TLL2: variants seen among roughly 807,000 people sequenced by gnomAD.
TLL2 encodes the protein tolloid-like protein 2.
Under a neutral mutation model 123.0 loss-of-function variants are expected in TLL2, and 106 were observed. The ratio of observed to expected loss-of-function variants is 0.86; its 90% CI spans 0.74 to 1.01. The LOEUF (loss-of-function observed/expected upper bound fraction) is 1.01, where lower values mean the gene tolerates loss of function less well. Ranked by LOEUF, TLL2 falls within the 50% of genes least tolerant of loss-of-function variation. TLL2 has a pLI of 0.00. For missense variants in TLL2, 1,332 were observed against 1,336.7 expected (o/e 1.00, Z 0.06); for synonymous variants, 494 against 516.8 (o/e 0.96, Z 0.60).
At chr10:96,459,871 TG>T (rs1564911641) in intron 2 of TLL2, among the ~76,000 whole-genome samples, 2 of 150,882 alleles carry the variant, frequency 1.3e-5, no homozygotes, top group South Asian at 2.1e-4. Flanking sequence ...TATTTAGAAC[TG>T]GGGGGTATCA....
In TLL2 at chr10:96,376,760, C is replaced by A; in HGVS notation, c.2380G>T (p.Asp794Tyr). ...EGTLASPNWP[D>Y]KYPSRRECTW... ...CACTCCCTCCGGCTGGGGTATTTGT[C>A]AGGCCAGTTGGGGCTCGCCAGGGTC... is the stretch of plus-strand genomic sequence containing the variant. The change falls in exon 18 of 21, where the codon GAC becomes TAC. Residue 794 changes from aspartate (D) to tyrosine (Y), a missense_variant. Transcript: ENST00000357947. The A allele has an allele frequency of 1.2e-6, 2 of 1,601,336 alleles. No homozygotes were observed. The highest frequency in any genetic ancestry group is 2.2e-5 in the South Asian group (2 of 89,130).
chr10:96,368,161 G>A lies in TLL2; in HGVS notation c.2975C>T (p.Thr992Ile), dbSNP rs1022937324. ...SLMIRFRTDD[T>I]INKKGFHARY... ...GGCATGAAAGCCTTTCTTGTTGATG[G>A]TGTCATCTGTGCGGAATCGAATCAT... Residue 992 changes from threonine to isoleucine, a missense_variant, in exon 21 of 21, where the codon ACC becomes ATC. Transcript: ENST00000357947. 1 of 1,614,196 alleles carries A rather than the reference G, an allele frequency of 6.2e-7. No homozygotes were observed.
intron 2 of TLL2, among the ~76,000 whole-genome samples, chr10:96,476,240 A>ATATATATTTTTTTTTTTTTT: frequency 4.9e-5 from 1 of 20,498 alleles, no homozygotes. Context: ...ATATATATAT[A>ATATATATTTTTTTTTTTTTT]TTTTATTTTT....
chr10:96,425,259 TTCTCTC>T lies in TLL2; in HGVS notation c.639-2538_639-2533del, dbSNP rs5787184. Among the ~76,000 whole-genome samples, 404 of 144,348 alleles carry T rather than the reference TTCTCTC, an allele frequency of 2.8e-3. 1 individual carries two copies. The highest frequency in any genetic ancestry group is 3.8e-3 in the Non-Finnish European group (251 of 65,832). 94.7% of individuals were successfully genotyped at this position (144,348 alleles called of 152,430 possible). A position where few individuals can be genotyped will look rare whatever the true frequency, so the allele number is the denominator to read the frequency against. On this transcript the variant is annotated intron_variant, in intron 5 of 20. Transcript: ENST00000357947. ...GATAGCTACCTCTGTCATTACTGTT[TTCTCTC>T]TCTCTCTCTCTCTCTCTCTCTCTCT...
Position 96,488,310 on chromosome 10 carries a change from C to T in TLL2, c.176-7851G>A, listed in dbSNP as rs971877039. 4.6e-5 allele frequency among the ~76,000 whole-genome samples: 7 copies of T among 152,324 alleles called. No individual in the cohort carries two copies. The South Asian group carries it at 1.4e-3, about 32-fold the overall frequency. ...CTGACTTAGCGCTTGCGTGCCCAGC[C>T]CAGGGCAGCCCTTACCGACAACAGC... On this transcript the variant is annotated intron_variant, in intron 1 of 20. Coordinates refer to ENST00000357947, the MANE Select transcript of TLL2 (RefSeq NM_012465.4).
intron 1 of TLL2, among the ~76,000 whole-genome samples, chr10:96,503,442 C>G (rs1847552591): frequency 6.6e-6 from 1 of 152,134 alleles, no homozygotes; most frequent in African/African-American, 2.4e-5. Context: ...GATTAAGAGA[C>G]TTGGTCAAAA....
intron 1 of TLL2, among the ~76,000 whole-genome samples, chr10:96,490,855 C>T (rs1228174601): frequency 1.3e-5 from 2 of 152,196 alleles, no homozygotes; most frequent in African/African-American, 4.8e-5. Context: ...CACCTCAGAC[C>T]TGCTCAGTCA....
chr10:96,439,426 C>T (rs1846830014), intron 3 of TLL2, among the ~76,000 whole-genome samples: 1 of 151,962 alleles, frequency 6.6e-6, no homozygotes, highest in South Asian at 2.1e-4. Flanking sequence ...TAAAACTTGC[C>T]TGGGTCTCTC....
chr10:96,399,336 G>A (rs1846371444), intron 10 of TLL2, among the ~76,000 whole-genome samples: 2 of 152,270 alleles, frequency 1.3e-5, no homozygotes, highest in African/African-American at 4.8e-5. Context: ...TACTGCCAGT[G>A]CTATGTTAGG....
intron 1 of TLL2, among the ~76,000 whole-genome samples, chr10:96,506,266 G>GAAAA (rs386372173): frequency 2.2e-5 from 2 of 92,712 alleles, no homozygotes; most frequent in Admixed American, 1.6e-4. Context: ...AAAAAAAAAA[G>GAAAA]AAAAAAAAAA....
chr10:96,448,298 G>A (rs1417110886), intron 2 of TLL2, among the ~76,000 whole-genome samples: 1 of 152,176 alleles, frequency 6.6e-6, no homozygotes, highest in Non-Finnish European at 1.5e-5. Context: ...TTTCCTCTCG[G>A]GCTAAAGGTC....
At position 96,395,949 on chromosome 10, in the gene TLL2, G is replaced by T. The variant is rs1362895192; in HGVS notation, c.1456C>A (p.Pro486Thr). The change falls in exon 12 of 21, where the codon CCT (proline) becomes ACT (threonine). Residue 486 changes from proline (P) to threonine (T), a missense_variant. By Grantham distance (38) the Pro-to-Thr change is conservative (BLOSUM62 -1). Coordinates refer to ENST00000357947, the MANE Select transcript of TLL2 (RefSeq NM_012465.4). ...QSPNYPDDYR[P>T]SKECVWRITV... Reference sequence around the variant, plus strand: ...ATCCTCCAGACACATTCCTTGGAAGGTCTGTAGTCATCCGGATAGTTGGGA... The same window carrying T: ...ATCCTCCAGACACATTCCTTGGAAGTTCTGTAGTCATCCGGATAGTTGGGA... 1 of 1,614,216 alleles carries T rather than the reference G, an allele frequency of 6.2e-7. No homozygotes were observed. Among genetic ancestry groups the T allele is most frequent in the Non-Finnish European group, 8.5e-7 (1 of 1,180,044 alleles).
chr10:96,490,758 C>A (rs953406834), intron 1 of TLL2, among the ~76,000 whole-genome samples: 10 of 152,200 alleles, frequency 6.6e-5, no homozygotes, highest in Non-Finnish European at 1.3e-4. Flanking sequence ...TCTTCCACTA[C>A]CAATCCCAGC....
intron 2 of TLL2, among the ~76,000 whole-genome samples, chr10:96,476,240 A>ATATATATATATATATTTTTTT: frequency 1.5e-4 from 3 of 20,496 alleles, no homozygotes; most frequent in Admixed American, 5.2e-4. Context: ...ATATATATAT[A>ATATATATATATATATTTTTTT]TTTTATTTTT....
At chr10:96,369,994 C>A (rs548493644) in intron 20 of TLL2, 71 bp downstream of exon 20, 2 of 1,481,464 alleles carry the variant, frequency 1.4e-6, no homozygotes, top group Non-Finnish European at 8.9e-7. Flanking sequence ...GAAAGCCGGG[C>A]GTGTCTGACT....
chr10:96,384,460 G>T lies in TLL2; in HGVS notation c.2194+127C>A, dbSNP rs1378013874. 8 of 975,644 alleles carry T rather than the reference G, an allele frequency of 8.2e-6. No individual in the cohort carries two copies. In the African/African-American group the frequency reaches 1.3e-4, roughly 16 times the overall value. The allele number at this position is 975,644 out of a possible 1,614,324, so 60.4% of individuals were successfully genotyped here. On this transcript the variant is annotated intron_variant, in intron 16 of 20. Transcript: ENST00000357947. Reference sequence around the variant, plus strand: ...CTGGATCTGGCACGCCCCCTCCAAGGCAGCCATACCTGGAGGGATGCAGGA... The same window carrying T: ...CTGGATCTGGCACGCCCCCTCCAAGTCAGCCATACCTGGAGGGATGCAGGA...
rs1846524664 is a variant in TLL2 at position 96,413,264 on chromosome 10, G to A, written c.976C>T (p.Pro326Ser). The part of the protein sequence containing the change: ...LPRQDDNGVR[P>S]TIGQRVRLSQ... ...AGCCGCACGCGCTGGCCAATGGTTG[G>A]CCTGACGCCATTGTCATCTTGACGG... The change falls in exon 8 of 21, where the codon CCA becomes TCA. Residue 326 changes from proline to serine, a missense_variant. By Grantham distance (74) the Pro-to-Ser change is moderately conservative. Transcript: ENST00000357947. The A allele has an allele frequency of 3.1e-6, 5 of 1,614,154 alleles. No homozygotes were observed. Among genetic ancestry groups the A allele is most frequent in the Non-Finnish European group, 4.2e-6 (5 of 1,179,992 alleles).
In TLL2 at chr10:96,420,952, C is replaced by T. The variant is rs764965244; in HGVS notation, c.923+4G>A. ...ACAGACGAGGCATAAGCATAGATTCCGACCTTGAGAAGGTGTTCCGGGCGT... is the reference window on the plus strand; with the variant it reads ...ACAGACGAGGCATAAGCATAGATTCTGACCTTGAGAAGGTGTTCCGGGCGT... On this transcript the variant is annotated splice_donor_region_variant and intron_variant, in intron 7 of 20. Transcript: ENST00000357947. The T allele has an allele frequency of 5.5e-5, 88 of 1,613,570 alleles. No homozygotes were observed. The highest frequency in any genetic ancestry group is 6.8e-5 in the Non-Finnish European group (80 of 1,179,668).
chr10:96,501,613 T>C (rs1847533632), intron 1 of TLL2, among the ~76,000 whole-genome samples: 1 of 152,252 alleles, frequency 6.6e-6, no homozygotes, highest in Admixed American at 6.5e-5. Context: ...TTCTGCAAAG[T>C]AAACCAGAGT....
Sources: gnomAD v4.1 joint callset for allele counts (sites outside exome capture counted in the v4.1 genomes callset) on GRCh38, gnomAD v4.1.1 for gene constraint, MANE v1.5 for transcripts, NCBI Gene and HGNC (gene_info 2026-07-23, HGNC 2026-07-21) for gene names.